RALA: variants seen among roughly 807,000 people sequenced by gnomAD.
RALA encodes the protein ras-related protein Ral-A.
In RALA, 5 loss-of-function variants were observed where a neutral mutation model predicts 24.0. The ratio of observed to expected loss-of-function variants is 0.21; its 90% CI spans 0.11 to 0.44. The LOEUF is 0.44. Ranked by LOEUF, RALA falls within the 20% of genes least tolerant of loss-of-function variation. The pLI is 0.99. For missense variants in RALA, 95 were observed against 241.2 expected, an observed-to-expected ratio of 0.39 and a Z score of 4.01; for synonymous variants, 77 against 83.8, an observed-to-expected ratio of 0.92 and a Z score of 0.44.
At chr7:39,696,485 A>T (rs949818888) in intron 3 of RALA, among the ~76,000 whole-genome samples, 200 bp from the exon 4 acceptor site, 3 of 152,202 alleles carry the variant, frequency 2.0e-5, no homozygotes, top group Admixed American at 6.5e-5. Context: ...CAGAAAAAGG[A>T]TGTCAGGCAA....
Position 39,663,600 on chromosome 7 carries a change from G to A in RALA, c.-37-23031G>A, listed in dbSNP as rs547916005. 2.0e-4 allele frequency among the ~76,000 whole-genome samples: 29 copies of A among 146,544 alleles called. No individual in the cohort carries two copies. The South Asian group carries it at 6.0e-3, about 30-fold the overall frequency. The stretch of plus-strand genomic sequence containing the variant: ...CAGCTGTGATTGCCCATCATTTCAA[G>A]ATGAATGAATCCAGAGTAAGGGACA... On this transcript the variant is annotated intron_variant, in intron 1 of 4. Transcript: ENST00000005257.
chr7:39,656,383 T>C (rs977108790), intron 1 of RALA, among the ~76,000 whole-genome samples: 1 of 152,254 alleles, frequency 6.6e-6, no homozygotes, highest in African/African-American at 2.4e-5. Context: ...TTTATTTGTC[T>C]TTCTTTCAAT....
At chr7:39,654,427 A>C (rs1340602786) in intron 1 of RALA, among the ~76,000 whole-genome samples, 1 of 152,192 alleles carries the variant, frequency 6.6e-6, no homozygotes, top group Admixed American at 6.5e-5. Flanking sequence ...TAGTGAGCCA[A>C]ATCTGCCTCT....
intron 1 of RALA, among the ~76,000 whole-genome samples, chr7:39,657,485 A>G (rs1384806805): frequency 6.6e-6 from 1 of 152,244 alleles, no homozygotes; most frequent in Non-Finnish European, 1.5e-5. Flanking sequence ...AATGGAAAGA[A>G]ATAGACTAGT....
chr7:39,662,238 A>G (rs1309267517), intron 1 of RALA, among the ~76,000 whole-genome samples: 1 of 46,992 alleles, frequency 2.1e-5, no homozygotes, highest in African/African-American at 5.1e-5. Context: ...CCCTGGAGAC[A>G]TTTTCCCCAT....
intron 4 of RALA, chr7:39,703,245 C>T (rs997999786): frequency 2.6e-5 from 4 of 152,130 alleles, no homozygotes; most frequent in Non-Finnish European, 5.9e-5. Flanking sequence ...TAGTCAGAAT[C>T]GAGACCTCCT....
intron 1 of RALA, among the ~76,000 whole-genome samples, chr7:39,660,500 C>CT (rs1195496197): frequency 6.6e-6 from 1 of 152,034 alleles, no homozygotes; most frequent in Non-Finnish European, 1.5e-5. Context: ...TTCTGTCTCT[C>CT]TTTTTTTAAT....
At chr7:39,635,581 C>G (rs1335488898) in intron 1 of RALA, among the ~76,000 whole-genome samples, 1 of 152,148 alleles carries the variant, frequency 6.6e-6, no homozygotes, top group African/African-American at 2.4e-5. Context: ...CTTATTGGCA[C>G]CAGGGACTGG....
intron 1 of RALA, among the ~76,000 whole-genome samples, chr7:39,636,072 A>G (rs1247983445): frequency 6.6e-6 from 1 of 152,186 alleles, no homozygotes; most frequent in Admixed American, 6.5e-5. Flanking sequence ...ATAATGTTCC[A>G]TTGTGTGGGT....
At chr7:39,627,623 T>C (rs1791516512) in intron 1 of RALA, among the ~76,000 whole-genome samples, 1 of 152,238 alleles carries the variant, frequency 6.6e-6, no homozygotes, top group Non-Finnish European at 1.5e-5. Context: ...CCAAAAGTTA[T>C]GATTATGGTC....
intron 1 of RALA, among the ~76,000 whole-genome samples, chr7:39,648,087 C>T (rs1791958465): frequency 6.6e-6 from 1 of 152,166 alleles, no homozygotes; most frequent in African/African-American, 2.4e-5. Context: ...TATTAACACA[C>T]CTTTATAGAG....
At chr7:39,682,470 T>TA (rs1441119010) in intron 1 of RALA, among the ~76,000 whole-genome samples, 1 of 152,218 alleles carries the variant, frequency 6.6e-6, no homozygotes, top group African/African-American at 2.4e-5. Flanking sequence ...CTATCCTTCT[T>TA]AAAAACTCCA....
chr7:39,646,090 A>G (rs1418125646), intron 1 of RALA, among the ~76,000 whole-genome samples: 2 of 152,206 alleles, frequency 1.3e-5, no homozygotes, highest in East Asian at 3.9e-4. Flanking sequence ...TGGCCAACTG[A>G]TAACTTTGGA....
rs188801070 is a variant in RALA, at chr7:39,636,794, G to A, written c.-38+12969G>A. On this transcript the variant is annotated intron_variant, in intron 1 of 4. Transcript: ENST00000005257. The stretch of plus-strand genomic sequence containing the variant: ...CCCTCAGGAGACTTACAATCATGGC[G>A]GAAAGCAAAGGGGAAGCAAGCACAT... 2.5e-3 allele frequency among the ~76,000 whole-genome samples: 381 copies of A among 152,244 alleles called. 4 individuals carry two copies. The highest frequency in any genetic ancestry group is 4.2e-3 in the South Asian group (20 of 4,818).
chr7:39,642,868 C>A (rs1355189411), intron 1 of RALA, among the ~76,000 whole-genome samples: 1 of 152,224 alleles, frequency 6.6e-6, no homozygotes, highest in Non-Finnish European at 1.5e-5. Context: ...AAAACTTTCC[C>A]ACTGGTTTCC....
Position 39,634,654 on chromosome 7 carries a change from A to G in RALA, c.-38+10829A>G, listed in dbSNP as rs1225782085. On this transcript the variant is annotated intron_variant, in intron 1 of 4. Coordinates refer to ENST00000005257, the MANE Select transcript of RALA (RefSeq NM_005402.4). Reference sequence around the variant, plus strand: ...CCCTATTAATCTCCAAGGTCTTCCTATTTCTTATGTCTACATAATACAGCT... The same window carrying G: ...CCCTATTAATCTCCAAGGTCTTCCTGTTTCTTATGTCTACATAATACAGCT... Among the ~76,000 whole-genome samples the G allele has an allele frequency of 5.3e-5, 8 of 151,672 alleles. No individual in the cohort carries two copies. The East Asian group carries it at 1.4e-3, about 26-fold the overall frequency.
At chr7:39,694,039 C>T (rs1792875482) in intron 3 of RALA, among the ~76,000 whole-genome samples, 1 of 152,228 alleles carries the variant, frequency 6.6e-6, no homozygotes, top group African/African-American at 2.4e-5. Context: ...ACCTCATACT[C>T]ATGCAGCACT....
chr7:39,687,462 A>G (rs1037432331), intron 2 of RALA, among the ~76,000 whole-genome samples: 2 of 152,150 alleles, frequency 1.3e-5, no homozygotes, highest in African/African-American at 2.4e-5. Context: ...AAACTTGATG[A>G]AAAAGTCGTT....
chr7:39,684,976 A>C (rs1415504203), intron 1 of RALA, among the ~76,000 whole-genome samples: 3 of 152,112 alleles, frequency 2.0e-5, no homozygotes, highest in Non-Finnish European at 4.4e-5. Flanking sequence ...ATGGTCCTGA[A>C]CTCACTGTTT....
Sources: allele counts gnomAD v4.1 joint callset (sites outside exome capture counted in the v4.1 genomes callset), GRCh38; gene constraint gnomAD v4.1.1; transcripts MANE v1.5; gene names NCBI Gene and HGNC (gene_info 2026-07-23, HGNC 2026-07-21).